The following PLPPR1 variants were observed in gnomAD, a reference collection of about 807,000 sequenced individuals.
The protein encoded by PLPPR1 is phospholipid phosphatase related 1.
Under a neutral mutation model 33.1 loss-of-function variants are expected in PLPPR1, and 10 were observed. The observed-to-expected ratio is 0.30, with a 90% CI of 0.19 to 0.51. The LOEUF (loss-of-function observed/expected upper bound fraction) is 0.51. Ranked by LOEUF, PLPPR1 falls within the 20% of genes least tolerant of loss-of-function variation. The pLI, the probability that PLPPR1 is intolerant of heterozygous loss-of-function variation, is 0.97. For synonymous variants in PLPPR1, 151 were observed against 151.0 expected, an observed-to-expected ratio of 1.00 and a Z score of 0.00; for missense variants, 304 against 408.1, an observed-to-expected ratio of 0.74 and a Z score of 2.20.
intron 1 of PLPPR1, among the ~76,000 whole-genome samples, chr9:101,087,761 A>C (rs986920166): frequency 2.8e-4 from 43 of 152,352 alleles, no homozygotes; most frequent in African/African-American, 9.1e-4. Context: ...AAATTAACCC[A>C]TTCAGTGTTG....
chr9:101,174,291 G>A (rs1825988111), intron 1 of PLPPR1, among the ~76,000 whole-genome samples: 1 of 152,120 alleles, frequency 6.6e-6, no homozygotes. Context: ...TTATTTTAGT[G>A]AACTCTATTA....
Position 101,270,016 on chromosome 9 carries a change from T to G in PLPPR1, c.200T>G (p.Phe67Cys). 1 of 1,614,198 alleles carries G rather than the reference T, an allele frequency of 6.2e-7. No individual in the cohort carries two copies. Among genetic ancestry groups the G allele is most frequent in the Non-Finnish European group, 8.5e-7 (1 of 1,180,020 alleles). The change falls in exon 3 of 8, where the codon TTC (phenylalanine) becomes TGC (cysteine). Residue 67 changes from phenylalanine (F) to cysteine (C), a missense_variant. Coordinates refer to ENST00000374874, the MANE Select transcript of PLPPR1 (RefSeq NM_207299.2). ...TACCCAGGGACAGAGGAAGAAAGCT[T>G]CATCACCCCTCTGGTGCTCTATTGT... ...KPYPGTEEES[F>C]ITPLVLYCVL...
At chr9:101,194,624 G>A (rs1222476765) in intron 2 of PLPPR1, among the ~76,000 whole-genome samples, 3 of 152,116 alleles carry the variant, frequency 2.0e-5, no homozygotes, top group South Asian at 2.1e-4. Context: ...GGTGGTGCAC[G>A]CCTGTAATCT....
At chr9:101,323,090 A>T (rs533508421) in intron 7 of PLPPR1, among the ~76,000 whole-genome samples, 4 of 152,362 alleles carry the variant, frequency 2.6e-5, no homozygotes, top group African/African-American at 9.6e-5. Context: ...GAGCTGTTTC[A>T]TATTTAAAAC....
chr9:101,268,244 TAAAAATATACATAAA>T (rs1375480288), intron 2 of PLPPR1, among the ~76,000 whole-genome samples: 1 of 129,668 alleles, frequency 7.7e-6, no homozygotes, highest in Non-Finnish European at 1.7e-5. Context: ...TAAAGTAAAA[TAAAAATATACATAAA>T]AAAAATAAAA....
intron 1 of PLPPR1, among the ~76,000 whole-genome samples, chr9:101,102,136 T>A (rs1171299133): frequency 8.7e-6 from 1 of 114,664 alleles, no homozygotes; most frequent in Admixed American, 8.8e-5. Flanking sequence ...TATAGCTTTA[T>A]TCTTTTTTTT....
intron 1 of PLPPR1, among the ~76,000 whole-genome samples, chr9:101,075,443 T>A (rs1277095363): frequency 1.3e-5 from 2 of 152,214 alleles, no homozygotes; most frequent in Non-Finnish European, 2.9e-5. Context: ...AGCCCTGGTC[T>A]AACTTTCTAA....
chr9:101,322,309 G>C (rs1829169593), intron 7 of PLPPR1, among the ~76,000 whole-genome samples: 1 of 147,082 alleles, frequency 6.8e-6, no homozygotes, highest in Non-Finnish European at 1.5e-5. Flanking sequence ...TAGACCCAAA[G>C]CATTGAGTTT....
At chr9:101,145,600 C>T (rs546365514) in intron 1 of PLPPR1, among the ~76,000 whole-genome samples, 4 of 152,070 alleles carry the variant, frequency 2.6e-5, no homozygotes, top group Non-Finnish European at 4.4e-5. Flanking sequence ...AGGCTAGTCT[C>T]GAACTCCTGA....
chr9:101,245,362 A>G (rs1440173486), intron 2 of PLPPR1, among the ~76,000 whole-genome samples: 1 of 152,004 alleles, frequency 6.6e-6, no homozygotes, highest in African/African-American at 2.4e-5. Context: ...TACCATTTTT[A>G]TTTAAATATA....
chr9:101,161,521 T>A (rs1342573871), intron 1 of PLPPR1, among the ~76,000 whole-genome samples: 1 of 152,048 alleles, frequency 6.6e-6, no homozygotes, highest in Non-Finnish European at 1.5e-5. Flanking sequence ...TTAGGGCAAG[T>A]TATGGACCTA....
chr9:101,223,166 A>G (rs60385247), intron 2 of PLPPR1, among the ~76,000 whole-genome samples: 9,462 of 111,066 alleles, frequency 0.085, 593 homozygotes, highest in African/African-American at 0.18. Context: ...AAAAAAAAAA[A>G]AAAAAAGAAA....
intron 1 of PLPPR1, among the ~76,000 whole-genome samples, chr9:101,116,443 G>A (rs931865323): frequency 5.9e-5 from 9 of 152,146 alleles, no homozygotes; most frequent in African/African-American, 1.9e-4. Context: ...TTCATGGAAA[G>A]CCTTCTTATT....
chr9:101,134,322 G>A (rs1378245285), intron 1 of PLPPR1, among the ~76,000 whole-genome samples: 1 of 151,996 alleles, frequency 6.6e-6, no homozygotes, highest in Non-Finnish European at 1.5e-5. Context: ...AAAATAATTT[G>A]AGGAGAGCAT....
rs547465759 is a variant in PLPPR1 at position 101,134,368 on chromosome 9, T to C, written c.-45-51082T>C. The stretch of plus-strand genomic sequence containing the variant: ...AGTCCAAGTGTCAAGTGATATATTG[T>C]GGTCTGTAAGAACAGGATTTTTTTT... On this transcript the variant is annotated intron_variant, in intron 1 of 7. Transcript: ENST00000374874. 2.0e-5 allele frequency among the ~76,000 whole-genome samples: 3 copies of C among 150,184 alleles called. No homozygotes were observed. The South Asian group carries it at 6.4e-4, about 32-fold the overall frequency.
At position 101,220,649 on chromosome 9, in the gene PLPPR1, A is replaced by T. The variant is rs78224318; in HGVS notation, c.63+35092A>T. ...GACTTTCCTCTTGTGGTAGTAGTTCATGTCATACAGCTTCATATTACCCCA... is the reference window on the plus strand; with the variant it reads ...GACTTTCCTCTTGTGGTAGTAGTTCTTGTCATACAGCTTCATATTACCCCA... On this transcript the variant is annotated intron_variant, in intron 2 of 7. Transcript: ENST00000374874. 2.3e-3 allele frequency among the ~76,000 whole-genome samples: 343 copies of T among 152,312 alleles called. 1 individual carries two copies. Among genetic ancestry groups the T allele is most frequent in the African/African-American group, 7.6e-3 (318 of 41,570 alleles).
chr9:101,143,309 G>C lies in PLPPR1; in HGVS notation c.-45-42141G>C, dbSNP rs915761184. On this transcript the variant is annotated intron_variant, in intron 1 of 7. Transcript: ENST00000374874. ...CTGCCTCTTCATCCTTCATGTCTTT[G>C]TCAACTTCTTCTTCTGTAGGTCTGG... is the stretch of plus-strand genomic sequence containing the variant. Among the ~76,000 whole-genome samples the C allele has an allele frequency of 6.6e-5, 10 of 152,200 alleles. No individual in the cohort carries two copies. In the East Asian group the frequency reaches 1.9e-3, roughly 29 times the overall value.
chr9:101,211,113 T>G (rs1044493231), intron 2 of PLPPR1, among the ~76,000 whole-genome samples: 3 of 152,168 alleles, frequency 2.0e-5, no homozygotes, highest in Non-Finnish European at 4.4e-5. Flanking sequence ...AATTAAGATG[T>G]TGATGCTGAA....
intron 1 of PLPPR1, among the ~76,000 whole-genome samples, chr9:101,165,796 G>A (rs1231808430): frequency 6.6e-6 from 1 of 151,980 alleles, no homozygotes; most frequent in Non-Finnish European, 1.5e-5. Flanking sequence ...AAATAAATAA[G>A]GAAAAGCATT....
Sources: allele counts gnomAD v4.1 joint callset (sites outside exome capture counted in the v4.1 genomes callset), GRCh38; gene constraint gnomAD v4.1.1; transcripts MANE v1.5; gene names NCBI Gene and HGNC (gene_info 2026-07-23, HGNC 2026-07-21).